CREBBP: variants seen among roughly 807,000 people sequenced by gnomAD.
CREBBP encodes CREB-binding protein.
Under a neutral mutation model 265.0 loss-of-function variants are expected in CREBBP, and 19 were observed. That is an observed-to-expected ratio of 0.07 (90% CI 0.05 to 0.11). The LOEUF is 0.11. Among genes scored for constraint, CREBBP ranks in the 10% least tolerant of loss-of-function variants. The probability of loss-of-function intolerance (pLI) is 1.00; values close to 1 mark genes in which losing one functional copy is unlikely to be tolerated. For missense variants in CREBBP, 2,525 were observed against 3,219.0 expected (o/e 0.78, Z 5.22); for synonymous variants, 1,457 against 1,223.7 (o/e 1.19, Z -3.98).
chr16:3,734,699 G>A (rs1262455601), intron 28 of CREBBP, among the ~76,000 whole-genome samples: 10 of 151,602 alleles, frequency 6.6e-5, no homozygotes, highest in Non-Finnish European at 1.0e-4. Flanking sequence ...CCCCCTGCCC[G>A]CGCCTCCTCT....
chr16:3,849,450 T>TGTGTG lies in CREBBP; in HGVS notation c.798+842_798+846dup, dbSNP rs1567360755. On this transcript the variant is annotated intron_variant, in intron 2 of 30. Coordinates refer to ENST00000262367, the MANE Select transcript of CREBBP (RefSeq NM_004380.3). Reference sequence around the variant, plus strand: ...GTGTGTGTGTGTGTGTGTGTGTGTGTGTGTGTGTGTGTGTGTGTGTGTGTG... The same window carrying TGTGTG: ...GTGTGTGTGTGTGTGTGTGTGTGTGTGTGTGGTGTGTGTGTGTGTGTGTGTGTGTG... Among the ~76,000 whole-genome samples, 18 of 66,764 alleles carry TGTGTG rather than the reference T, an allele frequency of 2.7e-4. 1 individual carries two copies. Among genetic ancestry groups the TGTGTG allele is most frequent in the East Asian group, 5.2e-4 (1 of 1,906 alleles). 43.8% of individuals were successfully genotyped at this position (66,764 alleles called of 152,430 possible). A position where few individuals can be genotyped will look rare whatever the true frequency, so the allele number is the denominator to read the frequency against.
intron 3 of CREBBP, among the ~76,000 whole-genome samples, chr16:3,796,446 G>A (rs949286962): frequency 1.3e-5 from 2 of 151,530 alleles, no homozygotes; most frequent in African/African-American, 4.9e-5. Flanking sequence ...GAGTGCAGTG[G>A]CGCCACCTCA....
At chr16:3,876,135 C>A (rs1237550700) in intron 1 of CREBBP, among the ~76,000 whole-genome samples, 4 of 151,968 alleles carry the variant, frequency 2.6e-5, no homozygotes, top group Non-Finnish European at 4.4e-5. Flanking sequence ...ACCTCCTGGG[C>A]TCAAGCGATC....
At chr16:3,740,339 G>A (rs2151339447) in intron 24 of CREBBP, 60 bp downstream of exon 24, 1 of 1,601,174 alleles carries the variant, frequency 6.2e-7, no homozygotes, top group East Asian at 2.2e-5. Context: ...CAGAGAGCAG[G>A]CTCTGGCAAG....
intron 2 of CREBBP, among the ~76,000 whole-genome samples, chr16:3,832,466 G>T (rs1050539561): frequency 3.5e-4 from 54 of 152,160 alleles, no homozygotes; most frequent in Admixed American, 3.2e-3. Flanking sequence ...GTGTCATTAG[G>T]TGATTCTGGT....
chr16:3,789,630 T>C (rs1480932506), intron 5 of CREBBP, among the ~76,000 whole-genome samples: 1 of 152,174 alleles, frequency 6.6e-6, no homozygotes, highest in Non-Finnish European at 1.5e-5. Flanking sequence ...ACGATAAGCA[T>C]AATTTGCTTT....
At chr16:3,775,419 C>T (rs1365376676) in intron 11 of CREBBP, among the ~76,000 whole-genome samples, 1 of 152,176 alleles carries the variant, frequency 6.6e-6, no homozygotes, top group Admixed American at 6.5e-5. Flanking sequence ...ACTCTGAGTT[C>T]TAAAGAAGCA....
At chr16:3,788,314 A>T (rs1268709664) in intron 5 of CREBBP, among the ~76,000 whole-genome samples, 2 of 152,204 alleles carry the variant, frequency 1.3e-5, no homozygotes, top group African/African-American at 4.8e-5. Context: ...GATTTTTATA[A>T]AAATGCAGGT....
At position 3,736,818 on chromosome 16, in the gene CREBBP, G is replaced by A. The variant is rs2151330235; in HGVS notation, c.4395-3C>T. The A allele has an allele frequency of 6.2e-7, 1 of 1,614,118 alleles. No individual in the cohort carries two copies. Among genetic ancestry groups the A allele is most frequent in the Non-Finnish European group, 8.5e-7 (1 of 1,180,020 alleles). On this transcript the variant is annotated splice_polypyrimidine_tract_variant and splice_region_variant and intron_variant, in intron 26 of 30. Coordinates refer to ENST00000262367, the MANE Select transcript of CREBBP (RefSeq NM_004380.3). Reference sequence around the variant, plus strand: ...CCCAGATGTGCCCTGTCACATACCTGCAGGACCCACGCACACACGTCAGAT... The same window carrying A: ...CCCAGATGTGCCCTGTCACATACCTACAGGACCCACGCACACACGTCAGAT...
intron 2 of CREBBP, among the ~76,000 whole-genome samples, chr16:3,822,134 G>C (rs1404811988): frequency 6.6e-6 from 1 of 152,046 alleles, no homozygotes; most frequent in Non-Finnish European, 1.5e-5. Flanking sequence ...GCGGGACAGA[G>C]GGCCTCAATA....
chr16:3,802,290 CCTGA>C (rs1052251601), intron 3 of CREBBP, among the ~76,000 whole-genome samples: 44 of 151,814 alleles, frequency 2.9e-4, no homozygotes, highest in African/African-American at 9.7e-4. Flanking sequence ...TGCCACCACA[CCTGA>C]CTAATTTTTG....
In CREBBP at chr16:3,781,710, T is replaced by C. The variant is rs576706216; in HGVS notation, c.1574-404A>G. On this transcript the variant is annotated intron_variant, in intron 6 of 30. Transcript: ENST00000262367. ...CCCCCAATATCAGAAAATAAAATCA[T>C]AGAAATTAAGCTCAGGAAAAAAATA... 2.8e-4 allele frequency among the ~76,000 whole-genome samples: 42 copies of C among 152,170 alleles called. No homozygotes were observed. The South Asian group carries it at 7.7e-3, about 28-fold the overall frequency.
chr16:3,777,905 G>A, intron 10 of CREBBP, 106 bp downstream of exon 10: 7 of 1,342,578 alleles, frequency 5.2e-6, no homozygotes, highest in Non-Finnish European at 7.5e-6. Flanking sequence ...CTTCTGCAGG[G>A]CATGCATCAG....
At chr16:3,737,922 G>A (rs1312110659) in intron 26 of CREBBP, among the ~76,000 whole-genome samples, 2 of 150,752 alleles carry the variant, frequency 1.3e-5, no homozygotes, top group Non-Finnish European at 2.9e-5. Context: ...TGAGTAGCTG[G>A]GATTACAGGC....
intron 23 of CREBBP, chr16:3,740,791 T>C (rs529202814): frequency 8.9e-6 from 5 of 563,866 alleles, no homozygotes; most frequent in Non-Finnish European, 1.3e-5. Flanking sequence ...AACCTGCATC[T>C]TTTTCTAACA....
rs1037776050 is a variant in CREBBP at position 3,825,858 on chromosome 16, C to T, written c.799-15079G>A. Among the ~76,000 whole-genome samples, 23 of 152,132 alleles carry T rather than the reference C, an allele frequency of 1.5e-4. No individual in the cohort carries two copies. The East Asian group carries it at 1.7e-3, about 11-fold the overall frequency. ...ACGGAAAAAAATACAAGGAAGAATTCATAATCATATGAACAGGTTAGAATA... is the reference window on the plus strand; with the variant it reads ...ACGGAAAAAAATACAAGGAAGAATTTATAATCATATGAACAGGTTAGAATA... On this transcript the variant is annotated intron_variant, in intron 2 of 30. Transcript: ENST00000262367.
intron 2 of CREBBP, among the ~76,000 whole-genome samples, chr16:3,849,439 GTGTGTGTGTGTGT>G (rs2054761191): frequency 0.015 from 265 of 17,220 alleles, 10 homozygotes; most frequent in Non-Finnish European, 0.024. Context: ...GTGTGTGTGT[GTGTGTGTGTGTGT>G]GTGTGTGTGT....
intron 5 of CREBBP, among the ~76,000 whole-genome samples, chr16:3,783,237 G>A (rs772434012): frequency 6.6e-6 from 1 of 152,156 alleles, no homozygotes; most frequent in South Asian, 2.1e-4. Context: ...GACTCCTCAA[G>A]AAGTCAGTTC....
chr16:3,760,769 A>C (rs951727734), intron 16 of CREBBP, among the ~76,000 whole-genome samples: 6 of 152,064 alleles, frequency 3.9e-5, no homozygotes, highest in Non-Finnish European at 8.8e-5. Flanking sequence ...GCTGGAGGGC[A>C]ATGTAGTGGC....
Sources: gnomAD v4.1 joint callset for allele counts (sites outside exome capture counted in the v4.1 genomes callset) on GRCh38, gnomAD v4.1.1 for gene constraint, MANE v1.5 for transcripts, NCBI Gene and HGNC (gene_info 2026-07-23, HGNC 2026-07-21) for gene names.